The following CACNB2 variants were observed in gnomAD, a reference collection of about 807,000 sequenced individuals.
CACNB2 encodes the protein calcium voltage-gated channel auxiliary subunit beta 2.
In CACNB2, 42 loss-of-function variants were observed where a neutral mutation model predicts 73.3. The observed-to-expected ratio is 0.57, with a 90% CI of 0.45 to 0.74. The LOEUF (loss-of-function observed/expected upper bound fraction) is 0.74, where lower values mean the gene tolerates loss of function less well. Ranked by LOEUF, CACNB2 falls within the 30% of genes least tolerant of loss-of-function variation. The pLI is 0.00. For synonymous variants in CACNB2, 348 were observed against 310.3 expected, an observed-to-expected ratio of 1.12 and a Z score of -1.28; for missense variants, 940 against 853.0, an observed-to-expected ratio of 1.10 and a Z score of -1.27.
chr10:18,375,919 AT>A (rs1347763848), intron 2 of CACNB2, among the ~76,000 whole-genome samples: 1 of 152,202 alleles, frequency 6.6e-6, no homozygotes, highest in Non-Finnish European at 1.5e-5. Context: ...ACTAACCACT[AT>A]AGAGAACAGA....
chr10:18,168,226 C>A (rs2032995563), intron 2 of CACNB2, among the ~76,000 whole-genome samples: 1 of 152,082 alleles, frequency 6.6e-6, no homozygotes, highest in African/African-American at 2.4e-5. Context: ...TTCAAGGCTG[C>A]AGTGAGCTAT....
At chr10:18,248,921 G>A (rs775776957) in intron 2 of CACNB2, among the ~76,000 whole-genome samples, 1 of 152,046 alleles carries the variant, frequency 6.6e-6, no homozygotes, top group Admixed American at 6.5e-5. Context: ...CACACATAGT[G>A]GGGGAAAAAG....
chr10:18,185,362 G>A (rs562576096), intron 2 of CACNB2, among the ~76,000 whole-genome samples: 1 of 152,330 alleles, frequency 6.6e-6, no homozygotes, highest in East Asian at 1.9e-4. Flanking sequence ...ATTGTATACA[G>A]AGTATTTCCA....
intron 10 of CACNB2, among the ~76,000 whole-genome samples, chr10:18,529,455 G>C (rs1262171962): frequency 6.6e-6 from 1 of 152,178 alleles, no homozygotes; most frequent in Non-Finnish European, 1.5e-5. Flanking sequence ...CAAAGTGGTC[G>C]AGCCATGAAC....
chr10:18,431,487 C>A (rs958079906), intron 3 of CACNB2, among the ~76,000 whole-genome samples: 1 of 152,086 alleles, frequency 6.6e-6, no homozygotes, highest in Admixed American at 6.6e-5. Context: ...TCGATTTATA[C>A]CTAGAATGAA....
At chr10:18,413,278 AT>A (rs1304307285) in intron 3 of CACNB2, among the ~76,000 whole-genome samples, 1 of 152,122 alleles carries the variant, frequency 6.6e-6, no homozygotes, top group Non-Finnish European at 1.5e-5. Flanking sequence ...AGCCACACAT[AT>A]TTTATGTATT....
At chr10:18,531,116 C>T (rs573823410) in intron 10 of CACNB2, among the ~76,000 whole-genome samples, 71 of 152,286 alleles carry the variant, frequency 4.7e-4, no homozygotes, top group African/African-American at 1.6e-3. Flanking sequence ...AGAGCTACCT[C>T]CAGGTCTTAT....
At chr10:18,161,363 G>A (rs1378874371) in intron 2 of CACNB2, among the ~76,000 whole-genome samples, 1 of 152,144 alleles carries the variant, frequency 6.6e-6, no homozygotes, top group Non-Finnish European at 1.5e-5. Flanking sequence ...AGAGTATGGG[G>A]ATCGTGTGAT....
chr10:18,417,195 G>C (rs990618459), intron 3 of CACNB2, among the ~76,000 whole-genome samples: 1 of 32,092 alleles, frequency 3.1e-5, no homozygotes, highest in Non-Finnish European at 5.6e-5. Context: ...AAACATCTTC[G>C]TGCAATTTTT....
At chr10:18,381,129 C>T (rs2042998021) in intron 2 of CACNB2, among the ~76,000 whole-genome samples, 1 of 151,420 alleles carries the variant, frequency 6.6e-6, no homozygotes, top group African/African-American at 2.4e-5. Flanking sequence ...ACAGGGCCAG[C>T]TGGGGAAATT....
chr10:18,185,647 C>A lies in CACNB2; in HGVS notation c.213+34672C>A, dbSNP rs142295755. Among the ~76,000 whole-genome samples, 332 of 152,298 alleles carry A rather than the reference C, an allele frequency of 2.2e-3. 2 individuals are homozygous for A. The highest frequency in any genetic ancestry group is 7.6e-3 in the African/African-American group (316 of 41,560). ...CATTTGGAAAACAGAAATGAAAATA[C>A]ATCTTTTACCTTGACAAAAGGTTGG... On this transcript the variant is annotated intron_variant, in intron 2 of 13. Transcript: ENST00000324631.
intron 6 of CACNB2, among the ~76,000 whole-genome samples, chr10:18,507,619 A>C (rs2050561258): frequency 6.6e-6 from 1 of 151,738 alleles, no homozygotes; most frequent in Admixed American, 6.6e-5. Context: ...TAGACAGGAG[A>C]CTAATGATTT....
chr10:18,434,699 C>T (rs916471170), intron 3 of CACNB2, among the ~76,000 whole-genome samples: 15 of 152,004 alleles, frequency 9.9e-5, no homozygotes, highest in Non-Finnish European at 2.9e-5. Flanking sequence ...TTGTGCCTGG[C>T]CCTAAAAAAA....
At chr10:18,267,510 G>A (rs1449942017) in intron 2 of CACNB2, among the ~76,000 whole-genome samples, 1 of 152,144 alleles carries the variant, frequency 6.6e-6, no homozygotes, top group African/African-American at 2.4e-5. Context: ...GGAGGCTGAG[G>A]CATGAGAATC....
intron 10 of CACNB2, among the ~76,000 whole-genome samples, chr10:18,530,071 C>G (rs982034026): frequency 1.1e-4 from 17 of 152,152 alleles, no homozygotes; most frequent in Non-Finnish European, 1.9e-4. Flanking sequence ...CATTCACTAT[C>G]AGGAGAACTA....
intron 6 of CACNB2, among the ~76,000 whole-genome samples, chr10:18,507,516 T>C (rs770465953): frequency 7.2e-5 from 11 of 152,248 alleles, no homozygotes; most frequent in Non-Finnish European, 1.2e-4. Context: ...AACATACTTA[T>C]GCTAAAACAT....
intron 10 of CACNB2, among the ~76,000 whole-genome samples, chr10:18,530,017 G>A (rs2052839545): frequency 6.6e-6 from 1 of 152,194 alleles, no homozygotes; most frequent in African/African-American, 2.4e-5. Context: ...GAGAGCATGT[G>A]CAGGGGAACT....
chr10:18,193,691 T>C lies in CACNB2; in HGVS notation c.213+42716T>C, dbSNP rs540991268. ...CTCTCTCCTTGAAGATGGAGTGAGC[T>C]GGTGGGCTATGGAGGAGTGCTTGTA... On this transcript the variant is annotated intron_variant, in intron 2 of 13. Transcript: ENST00000324631. Among the ~76,000 whole-genome samples, 24 of 152,258 alleles carry C rather than the reference T, an allele frequency of 1.6e-4. No homozygotes were observed. The East Asian group carries it at 1.9e-3, about 12-fold the overall frequency.
At chr10:18,499,617 GAAAAAAA>G (rs59492615) in intron 4 of CACNB2, among the ~76,000 whole-genome samples, 10 of 99,658 alleles carry the variant, frequency 1.0e-4, no homozygotes, top group Middle Eastern at 6.0e-3. Flanking sequence ...CTGTCTCAAA[GAAAAAAA>G]AAAAAAAAAA....
Sources: allele counts gnomAD v4.1 joint callset (sites outside exome capture counted in the v4.1 genomes callset), GRCh38; gene constraint gnomAD v4.1.1; transcripts MANE v1.5; gene names NCBI Gene and HGNC (gene_info 2026-07-23, HGNC 2026-07-21).